FYTTD1: variants seen among roughly 807,000 people sequenced by gnomAD.
FYTTD1 encodes forty-two-three domain containing 1, also known as UAP56-interacting factor.
Under a neutral mutation model 40.9 loss-of-function variants are expected in FYTTD1, and 22 were observed. That is an observed-to-expected ratio of 0.54 (90% confidence interval 0.38 to 0.77). The LOEUF is 0.77. Among genes scored for constraint, FYTTD1 ranks in the 30% least tolerant of loss-of-function variants. The pLI is 0.00. For missense variants in FYTTD1, 351 were observed against 392.2 expected (o/e 0.90, Z 0.89); for synonymous variants, 140 against 137.9 (o/e 1.01, Z -0.10).
At chr3:197,753,059 G>A (rs1377594121) in intron 1 of FYTTD1, among the ~76,000 whole-genome samples, 2 of 152,144 alleles carry the variant, frequency 1.3e-5, no homozygotes, top group Non-Finnish European at 2.9e-5. Flanking sequence ...GAAACAGCTT[G>A]ATATCTTTCT....
In FYTTD1 at chr3:197,774,017, T is replaced by C. The variant is rs1325926527; in HGVS notation, c.595-132T>C. 4.0e-6 allele frequency: 3 copies of C among 744,120 alleles called. No individual in the cohort carries two copies. The African/African-American group carries it at 5.3e-5, about 13-fold the overall frequency. The allele number at this position is 744,120 out of a possible 1,614,324, so 46.1% of individuals were successfully genotyped here. ...CACGCCCCACTGGGTTAGGAAGTTG[T>C]AGAATAGCGCAGGCACCTCCGCTGC... On this transcript the variant is annotated intron_variant, in intron 5 of 8. Transcript: ENST00000241502.
intron 2 of FYTTD1, among the ~76,000 whole-genome samples, chr3:197,766,797 C>A (rs1459314161): frequency 6.6e-6 from 1 of 151,954 alleles, no homozygotes; most frequent in African/African-American, 2.4e-5. Context: ...TGTGTAGTTG[C>A]CGAAAGATTG....
In FYTTD1 at chr3:197,782,675, T is replaced by C. The variant is rs1730058476; in HGVS notation, c.*766T>C. Reference sequence around the variant, plus strand: ...GGCATGAGAGGAAGTAAGTAGCAAGTTGAAGGACAGGTAGTTGAGATGAAA... The same window carrying C: ...GGCATGAGAGGAAGTAAGTAGCAAGCTGAAGGACAGGTAGTTGAGATGAAA... On this transcript the variant is annotated 3_prime_UTR_variant, in exon 9 of 9. Transcript: ENST00000241502. 1 of 152,168 alleles carries C rather than the reference T, an allele frequency of 6.6e-6. No individual in the cohort carries two copies. The highest frequency in any genetic ancestry group is 2.1e-4 in the South Asian group (1 of 4,826). The allele number at this position is 152,168 out of a possible 1,614,324, so 9.4% of individuals were successfully genotyped here. A position where few individuals can be genotyped will look rare whatever the true frequency, so the allele number is the denominator to read the frequency against.
At chr3:197,769,054 C>T (rs1179881708) in intron 3 of FYTTD1, among the ~76,000 whole-genome samples, 1 of 150,348 alleles carries the variant, frequency 6.7e-6, no homozygotes, top group Non-Finnish European at 1.5e-5. Context: ...CGTGAGCCAC[C>T]GTGCCTGGCC....
intron 2 of FYTTD1, among the ~76,000 whole-genome samples, chr3:197,764,617 G>A (rs577139508): frequency 6.6e-6 from 1 of 151,584 alleles, no homozygotes; most frequent in East Asian, 2.0e-4. Flanking sequence ...GCTGAGGCAG[G>A]AGAATGGTGT....
intron 4 of FYTTD1, 61 bp downstream of exon 4, chr3:197,770,305 G>C: frequency 1.9e-6 from 2 of 1,032,672 alleles, no homozygotes; most frequent in Non-Finnish European, 2.9e-6. Context: ...GCATTAAGTG[G>C]TGTGAAGAAT....
rs1437140392 is a variant in FYTTD1, at chr3:197,770,062, G to C, written c.385-70G>C. 3 of 866,146 alleles carry C rather than the reference G, an allele frequency of 3.5e-6. No homozygotes were observed. The African/African-American group carries it at 5.1e-5, about 15-fold the overall frequency. The allele number at this position is 866,146 out of a possible 1,614,324, so 53.7% of individuals were successfully genotyped here. The stretch of plus-strand genomic sequence containing the variant: ...GTCAATCCTTGTTCATTCTGCATCT[G>C]AAATGTTTATTGTAGTAGAGTATAT... On this transcript the variant is annotated intron_variant, in intron 3 of 8. Coordinates refer to ENST00000241502, the MANE Select transcript of FYTTD1 (RefSeq NM_032288.7).
chr3:197,760,609 T>C (rs1280310890), intron 2 of FYTTD1, among the ~76,000 whole-genome samples: 3 of 151,648 alleles, frequency 2.0e-5, no homozygotes, highest in Admixed American at 6.6e-5. Flanking sequence ...TGTGGTAGAA[T>C]GTATAGAGTT....
chr3:197,784,151 T>C lies in FYTTD1; in HGVS notation c.*2242T>C, dbSNP rs953835296. The C allele has an allele frequency of 2.6e-5, 4 of 152,646 alleles. No individual in the cohort carries two copies. Among genetic ancestry groups the C allele is most frequent in the Admixed American group, 1.3e-4 (2 of 15,272 alleles). 9.5% of individuals were successfully genotyped at this position (152,646 alleles called of 1,614,324 possible). The stretch of plus-strand genomic sequence containing the variant: ...TTTGCATCAAGGTATATGCAAAACA[T>C]TGGTGCCGTGCATCACCAAATGAAA... On this transcript the variant is annotated 3_prime_UTR_variant, in exon 9 of 9. Coordinates refer to ENST00000241502, the MANE Select transcript of FYTTD1 (RefSeq NM_032288.7).
chr3:197,756,847 G>A (rs1729228843), intron 2 of FYTTD1, among the ~76,000 whole-genome samples: 1 of 152,120 alleles, frequency 6.6e-6, no homozygotes, highest in African/African-American at 2.4e-5. Flanking sequence ...TATATCATGA[G>A]CTCCTATCTT....
At chr3:197,768,127 AGTATC>A (rs746794822) in intron 2 of FYTTD1, among the ~76,000 whole-genome samples, 2 of 152,216 alleles carry the variant, frequency 1.3e-5, no homozygotes, top group Non-Finnish European at 2.9e-5. Context: ...ACATATGGTT[AGTATC>A]TACCATAATG....
At position 197,752,223 on chromosome 3, in the gene FYTTD1, A is replaced by G. The variant is rs548575795; in HGVS notation, c.103+2149A>G. On this transcript the variant is annotated intron_variant, in intron 1 of 8. Coordinates refer to ENST00000241502, the MANE Select transcript of FYTTD1 (RefSeq NM_032288.7). ...ATAAGTCTGTGAGGGTTGTACTCCT[A>G]GTGATTGACAGCATGGAATCCAGAT... 2.0e-5 allele frequency among the ~76,000 whole-genome samples: 3 copies of G among 151,176 alleles called. No homozygotes were observed. In the South Asian group the frequency reaches 6.3e-4, roughly 32 times the overall value.
intron 2 of FYTTD1, among the ~76,000 whole-genome samples, chr3:197,761,957 C>G (rs1055280712): frequency 9.9e-5 from 15 of 152,162 alleles, no homozygotes; most frequent in African/African-American, 3.6e-4. Flanking sequence ...AGGTCAGGTT[C>G]TGGTGAGAGT....
At position 197,770,257 on chromosome 3, in the gene FYTTD1, A is replaced by G; in HGVS notation, c.497+13A>G. On this transcript the variant is annotated intron_variant, in intron 4 of 8. Transcript: ENST00000241502. ...AGCTAAGCAGAAAGTAAGTGCTCAA[A>G]AATAATAATGTGTTATTTTGCATTA... 1 of 1,468,440 alleles carries G rather than the reference A, an allele frequency of 6.8e-7. No individual in the cohort carries two copies. The highest frequency in any genetic ancestry group is 9.5e-7 in the Non-Finnish European group (1 of 1,053,962). The allele number at this position is 1,468,440 out of a possible 1,614,324, so 91.0% of individuals were successfully genotyped here.
intron 2 of FYTTD1, among the ~76,000 whole-genome samples, chr3:197,765,580 A>G (rs1729519864): frequency 6.6e-6 from 1 of 152,134 alleles, no homozygotes; most frequent in Non-Finnish European, 1.5e-5. Context: ...AAAGACTTTA[A>G]GCCAGCCGTG....
chr3:197,773,534 T>TGTTC (rs2109050860), intron 5 of FYTTD1, 35 bp downstream of exon 5: 1 of 1,286,724 alleles, frequency 7.8e-7, no homozygotes, highest in Non-Finnish European at 1.1e-6. Flanking sequence ...TTTGTTTGTT[T>TGTTC]GTTTGTTTTT....
At chr3:197,770,086 A>G in intron 3 of FYTTD1, 46 bp from the exon 4 acceptor site, 1 of 1,104,848 alleles carries the variant, frequency 9.1e-7, no homozygotes, top group Non-Finnish European at 1.3e-6. Flanking sequence ...AGTAGAGTAT[A>G]TAGAAAAATG....
In FYTTD1 at chr3:197,749,939, T is replaced by G. The variant is rs1391149154; in HGVS notation, c.-33T>G. ...TGGCAGGCCTGCGACTCCGGCCTTG[T>G]CCGCGCCCGCTCTCGGCGCGACGTC... On this transcript the variant is annotated 5_prime_UTR_variant, in exon 1 of 9. Coordinates refer to ENST00000241502, the MANE Select transcript of FYTTD1 (RefSeq NM_032288.7). 3 of 1,473,742 alleles carry G rather than the reference T, an allele frequency of 2.0e-6. No individual in the cohort carries two copies. The highest frequency in any genetic ancestry group is 2.0e-4 in the Middle Eastern group (1 of 5,128). 91.3% of individuals were successfully genotyped at this position (1,473,742 alleles called of 1,614,324 possible).
chr3:197,772,685 A>G (rs1481388183), intron 4 of FYTTD1, among the ~76,000 whole-genome samples: 6 of 152,176 alleles, frequency 3.9e-5, no homozygotes, highest in Non-Finnish European at 2.9e-5. Context: ...CTCGGCCCAC[A>G]GCAACCTCTG....
Sources: allele counts gnomAD v4.1 joint callset (sites outside exome capture counted in the v4.1 genomes callset), GRCh38; gene constraint gnomAD v4.1.1; transcripts MANE v1.5; gene names NCBI Gene and HGNC (gene_info 2026-07-23, HGNC 2026-07-21).